Variants in AKAP6 observed in about 807,000 individuals in gnomAD.
AKAP6 encodes A-kinase anchor protein 6.
A neutral mutation model predicts 188.5 loss-of-function variants in AKAP6; 58 were observed. That is an observed-to-expected ratio of 0.31 (90% CI 0.25 to 0.38). The LOEUF (loss-of-function observed/expected upper bound fraction) is 0.38, where lower values mean the gene tolerates loss of function less well. Among genes scored for constraint, AKAP6 ranks in the 10% least tolerant of loss-of-function variants. The pLI, the probability that AKAP6 is intolerant of heterozygous loss-of-function variation, is 1.00. For synonymous variants in AKAP6, 989 were observed against 998.6 expected (o/e 0.99, Z 0.18); for missense variants, 2,710 against 2,740.0 (o/e 0.99, Z 0.24).
chr14:32,622,204 C>A (rs1210545418), intron 7 of AKAP6, among the ~76,000 whole-genome samples: 1 of 151,822 alleles, frequency 6.6e-6, no homozygotes, highest in Non-Finnish European at 1.5e-5. Flanking sequence ...ATGTATGTCA[C>A]CAATATTTTT....
chr14:32,433,465 T>C lies in AKAP6; in HGVS notation c.-29T>C, dbSNP rs376669826. ...TCTTTCCTCTTGCCTTTCAGCTGTTTTGGAAAGAAGTGAGGTTTAGACTTC... is the reference window on the plus strand; with the variant it reads ...TCTTTCCTCTTGCCTTTCAGCTGTTCTGGAAAGAAGTGAGGTTTAGACTTC... On this transcript the variant is annotated 5_prime_UTR_variant, in exon 2 of 14. Coordinates refer to ENST00000280979, the MANE Select transcript of AKAP6 (RefSeq NM_004274.5). The C allele has an allele frequency of 5.0e-6, 8 of 1,591,692 alleles. No individual in the cohort carries two copies. The highest frequency in any genetic ancestry group is 6.9e-6 in the Non-Finnish European group (8 of 1,163,902).
At position 32,822,637 on chromosome 14, in the gene AKAP6, T is replaced by A. The variant is rs2034559661; in HGVS notation, c.4824T>A (p.Asp1608Glu). The change falls in exon 13 of 14, where the codon GAT (aspartate) becomes GAA (glutamate). Residue 1608 changes from aspartate to glutamate, a missense_variant. Asp to Glu is a conservative substitution (Grantham distance 45). Transcript: ENST00000280979. ...TGACTTCCTATAAAAGCAATGAAGA[T>A]CTCTTTAGCTGTCACAGCTCTGGGG... ...SWLTSYKSNE[D>E]LFSCHSSGDI... 1.2e-6 allele frequency: 2 copies of A among 1,613,888 alleles called. No individual in the cohort carries two copies. Among genetic ancestry groups the A allele is most frequent in the African/African-American group, 1.3e-5 (1 of 74,896 alleles).
intron 7 of AKAP6, among the ~76,000 whole-genome samples, chr14:32,677,302 C>A (rs1425599535): frequency 6.6e-6 from 1 of 152,216 alleles, no homozygotes; most frequent in Non-Finnish European, 1.5e-5. Flanking sequence ...TCACATCTGG[C>A]CCAACTTTTC....
intron 9 of AKAP6, chr14:32,718,380 A>G: frequency 1.0e-6 from 1 of 965,462 alleles, no homozygotes; most frequent in Non-Finnish European, 1.2e-6. Context: ...TCTGACAAAT[A>G]TGGGTAGGTA....
rs534871911 is a variant in AKAP6 at position 32,390,887 on chromosome 14, T to G, written c.-34-42573T>G. Among the ~76,000 whole-genome samples the G allele has an allele frequency of 3.9e-5, 6 of 152,252 alleles. No individual in the cohort carries two copies. In the South Asian group the frequency reaches 1.2e-3, roughly 32 times the overall value. On this transcript the variant is annotated intron_variant, in intron 1 of 13. Coordinates refer to ENST00000280979, the MANE Select transcript of AKAP6 (RefSeq NM_004274.5). ...CCATATGCTGCTCTGTCCATCCAAG[T>G]CAGAGCTGCAATCTAGTCCTGCCTC...
chr14:32,355,845 G>A (rs992764470), intron 1 of AKAP6, among the ~76,000 whole-genome samples: 7 of 151,900 alleles, frequency 4.6e-5, no homozygotes, highest in Non-Finnish European at 1.0e-4. Flanking sequence ...TGTGATCACA[G>A]CTCACTGCAG....
At chr14:32,456,175 T>G (rs1163634433) in intron 2 of AKAP6, among the ~76,000 whole-genome samples, 2 of 152,144 alleles carry the variant, frequency 1.3e-5, no homozygotes, top group Admixed American at 1.3e-4. Context: ...CTAATACCGA[T>G]GGGATCCATG....
intron 7 of AKAP6, among the ~76,000 whole-genome samples, chr14:32,651,420 C>T (rs1306079365): frequency 1.3e-5 from 2 of 152,210 alleles, no homozygotes; most frequent in East Asian, 3.9e-4. Flanking sequence ...GGGTTGTATT[C>T]ATTGTTTGTT....
chr14:32,348,800 C>G (rs1000916307), intron 1 of AKAP6, among the ~76,000 whole-genome samples: 1 of 152,118 alleles, frequency 6.6e-6, no homozygotes, highest in Non-Finnish European at 1.5e-5. Context: ...CACATTGCTC[C>G]CCACCCAACA....
chr14:32,501,047 C>A (rs775760677), intron 2 of AKAP6, among the ~76,000 whole-genome samples: 3 of 152,086 alleles, frequency 2.0e-5, no homozygotes, highest in South Asian at 2.1e-4. Context: ...AGGTTCCTTC[C>A]CTCCTAAGCA....
intron 5 of AKAP6, among the ~76,000 whole-genome samples, chr14:32,580,742 C>T (rs904954670): frequency 6.6e-6 from 1 of 151,926 alleles, no homozygotes; most frequent in Admixed American, 6.6e-5. Flanking sequence ...TGTGATGTTC[C>T]CCTTCCTGTG....
chr14:32,518,408 G>A (rs1388503661), intron 2 of AKAP6, among the ~76,000 whole-genome samples: 1 of 152,120 alleles, frequency 6.6e-6, no homozygotes, highest in Non-Finnish European at 1.5e-5. Flanking sequence ...AGCTAAAGGA[G>A]GATGTTTGAA....
chr14:32,749,214 T>C (rs2032030736), intron 11 of AKAP6, among the ~76,000 whole-genome samples: 1 of 152,196 alleles, frequency 6.6e-6, no homozygotes, highest in Non-Finnish European at 1.5e-5. Context: ...ATTTAGGTTT[T>C]TTTGATTGAG....
intron 1 of AKAP6, among the ~76,000 whole-genome samples, chr14:32,415,009 A>C (rs746542759): frequency 1.1e-4 from 16 of 152,196 alleles, no homozygotes; most frequent in Non-Finnish European, 1.9e-4. Flanking sequence ...TCTGATTATA[A>C]CCTAAGAAAG....
intron 2 of AKAP6, among the ~76,000 whole-genome samples, chr14:32,440,621 A>G (rs1483420903): frequency 2.0e-5 from 3 of 152,160 alleles, no homozygotes; most frequent in Admixed American, 2.0e-4. Context: ...ATATACTTTA[A>G]TTTTGGAACA....
In AKAP6 at chr14:32,758,867, C is replaced by T. The variant is rs566585910; in HGVS notation, c.3373-14811C>T. ...ACACATATGACAACAGACCAAGGCT[C>T]CTCTGGCATTGGAACTCAGAGATTT... On this transcript the variant is annotated intron_variant, in intron 11 of 13. Transcript: ENST00000280979. Among the ~76,000 whole-genome samples the T allele has an allele frequency of 2.6e-5, 4 of 152,318 alleles. No individual in the cohort carries two copies. In the South Asian group the frequency reaches 6.2e-4, roughly 24 times the overall value.
chr14:32,471,234 A>T (rs1878759257), intron 2 of AKAP6, among the ~76,000 whole-genome samples: 1 of 152,214 alleles, frequency 6.6e-6, no homozygotes, highest in East Asian at 1.9e-4. Context: ...AAACACCAAG[A>T]TTGTCTCCAT....
rs780930356 is a variant in AKAP6 at position 32,773,701 on chromosome 14, A to G, written c.3396A>G (p.Gln1132=). ...AGTCCCTCTGTCGTGAAATCAAGCA[A>G]CGACGTCGAGGAGTTGCCTCCATTC... ...YFKSLCREIK[Q]RRRGVASILR... is the part of the protein sequence containing the mutation. The change falls in exon 12 of 14, where the codon CAA becomes CAG. Residue 1132 remains glutamine, a synonymous_variant. Transcript: ENST00000280979. 5 of 1,613,916 alleles carry G rather than the reference A, an allele frequency of 3.1e-6. No individual in the cohort carries two copies. In the Admixed American group the frequency reaches 8.3e-5, roughly 27 times the overall value.
At chr14:32,542,124 A>G (rs1882982220) in intron 3 of AKAP6, among the ~76,000 whole-genome samples, 1 of 152,180 alleles carries the variant, frequency 6.6e-6, no homozygotes, top group East Asian at 1.9e-4. Context: ...ATGGCTTATC[A>G]TTTCCTTTTT....
Sources: gnomAD v4.1 joint callset for allele counts (sites outside exome capture counted in the v4.1 genomes callset) on GRCh38, gnomAD v4.1.1 for gene constraint, MANE v1.5 for transcripts, NCBI Gene and HGNC (gene_info 2026-07-23, HGNC 2026-07-21) for gene names.